SAMD5: variants seen among roughly 807,000 people sequenced by gnomAD.
The protein encoded by SAMD5 is sterile alpha motif domain containing 5.
Under a neutral mutation model 11.3 loss-of-function variants are expected in SAMD5, and 13 were observed. The ratio of observed to expected loss-of-function variants is 1.15; its 90% CI spans 0.75 to 1.83. The LOEUF is 1.83. Ranked by LOEUF, SAMD5 falls within the 40% of genes most tolerant of loss-of-function variation. SAMD5 has a pLI of 0.00. For missense variants in SAMD5, 255 were observed against 239.1 expected, an observed-to-expected ratio of 1.07 and a Z score of -0.44; for synonymous variants, 129 against 111.3, an observed-to-expected ratio of 1.16 and a Z score of -1.00.
chr6:147,729,682 T>C (rs1583156644), intron 1 of SAMD5: 1 of 427,932 alleles, frequency 2.3e-6, no homozygotes, highest in East Asian at 7.2e-5. Flanking sequence ...AGAAGGCGAA[T>C]GTGAGTAAAG....
chr6:147,639,073 G>T (rs1790273085), intron 1 of SAMD5, among the ~76,000 whole-genome samples: 1 of 152,158 alleles, frequency 6.6e-6, no homozygotes, highest in African/African-American at 2.4e-5. Flanking sequence ...AGATAGACAA[G>T]GCGGAGTTAG....
intron 1 of SAMD5, among the ~76,000 whole-genome samples, chr6:147,532,230 T>G (rs2128441211): frequency 6.6e-6 from 1 of 152,296 alleles, no homozygotes; most frequent in South Asian, 2.1e-4. Context: ...GGTGCACCTG[T>G]CACCTGAGCA....
At chr6:147,589,389 C>T (rs936767404) in intron 1 of SAMD5, among the ~76,000 whole-genome samples, 1 of 152,224 alleles carries the variant, frequency 6.6e-6, no homozygotes, top group Non-Finnish European at 1.5e-5. Flanking sequence ...ACCTCTGATT[C>T]TCACAGACCA....
At chr6:147,678,488 C>T (rs574014000) in intron 1 of SAMD5, among the ~76,000 whole-genome samples, 5 of 152,280 alleles carry the variant, frequency 3.3e-5, no homozygotes, top group African/African-American at 1.2e-4. Flanking sequence ...CCAGATCACT[C>T]GCTGTAACAT....
intron 1 of SAMD5, among the ~76,000 whole-genome samples, chr6:147,707,882 T>C (rs1031885364): frequency 2.0e-5 from 3 of 152,028 alleles, no homozygotes; most frequent in Non-Finnish European, 2.9e-5. Flanking sequence ...GGTTGAGATA[T>C]GATATGGGGT....
intron 1 of SAMD5, among the ~76,000 whole-genome samples, chr6:147,591,609 G>A (rs1306478521): frequency 6.6e-6 from 1 of 152,074 alleles, no homozygotes; most frequent in Non-Finnish European, 1.5e-5. Context: ...GCACTATAAG[G>A]ATGGGCATTC....
intron 1 of SAMD5, among the ~76,000 whole-genome samples, chr6:147,697,131 C>T (rs1286100568): frequency 6.6e-6 from 1 of 152,092 alleles, no homozygotes; most frequent in Non-Finnish European, 1.5e-5. Flanking sequence ...ACCGAAACAC[C>T]AGGGTTTCCA....
In SAMD5 at chr6:147,630,671, C is replaced by T. The variant is rs867990767; in HGVS notation, c.163-106646C>T. 2.6e-5 allele frequency among the ~76,000 whole-genome samples: 4 copies of T among 152,064 alleles called. No homozygotes were observed. In the East Asian group the frequency reaches 5.8e-4, roughly 22 times the overall value. Reference sequence around the variant, plus strand: ...GCTGACCCTCTTTTCTGACTCAGCCCGCCTGCACCCAGGTGATTAAAAAGC... The same window carrying T: ...GCTGACCCTCTTTTCTGACTCAGCCTGCCTGCACCCAGGTGATTAAAAAGC... On this transcript the variant is annotated intron_variant, in intron 1 of 1. Coordinates refer to the SAMD5 transcript ENST00000566741.
intron 1 of SAMD5, among the ~76,000 whole-genome samples, chr6:147,579,389 A>C (rs755038353): frequency 2.0e-5 from 3 of 151,486 alleles, no homozygotes; most frequent in Non-Finnish European, 4.4e-5. Flanking sequence ...GTGGCTTTGC[A>C]GTCTAGGCTG....
chr6:147,737,269 C>T lies in SAMD5; in HGVS notation c.163-48C>T, dbSNP rs1215224807. ...TCACCGTGCTTTTTCACTATGATTT[C>T]ACTGGGCAACACTTAATTAAACTTC... On this transcript the variant is annotated intron_variant, in intron 1 of 1. Coordinates refer to the SAMD5 transcript ENST00000566741. The T allele has an allele frequency of 4.4e-6, 5 of 1,128,648 alleles. No homozygotes were observed. In the South Asian group the frequency reaches 6.6e-5, roughly 15 times the overall value. 69.9% of individuals were successfully genotyped at this position (1,128,648 alleles called of 1,614,324 possible). A position where few individuals can be genotyped will look rare whatever the true frequency, so the allele number is the denominator to read the frequency against.
chr6:147,938,042 CT>C, the SAMD5 span, among the ~76,000 whole-genome samples: 1 of 152,124 alleles, frequency 6.6e-6, no homozygotes, highest in Admixed American at 6.5e-5. Flanking sequence ...AGTAAAACTT[CT>C]TTGTAATTCA....
At chr6:147,680,668 G>T (rs1037706340) in intron 1 of SAMD5, among the ~76,000 whole-genome samples, 1 of 151,990 alleles carries the variant, frequency 6.6e-6, no homozygotes, top group Non-Finnish European at 1.5e-5. Context: ...CCTTCATCAG[G>T]TTGAGAAGGT....
At chr6:147,651,821 G>C (rs1226363504) in intron 1 of SAMD5, among the ~76,000 whole-genome samples, 1 of 152,200 alleles carries the variant, frequency 6.6e-6, no homozygotes, top group Non-Finnish European at 1.5e-5. Flanking sequence ...GGAGCTGTGA[G>C]TCACATTAGA....
chr6:147,585,133 C>A (rs1789355850), intron 1 of SAMD5, among the ~76,000 whole-genome samples: 1 of 152,098 alleles, frequency 6.6e-6, no homozygotes, highest in Admixed American at 6.5e-5. Flanking sequence ...TGTGTCGGGG[C>A]AGGCAAAAGA....
chr6:147,541,834 C>A (rs1788609677), intron 1 of SAMD5, among the ~76,000 whole-genome samples: 1 of 152,184 alleles, frequency 6.6e-6, no homozygotes, highest in Non-Finnish European at 1.5e-5. Context: ...TCTCCCAAAC[C>A]AGGACTCTTC....
chr6:147,662,773 C>T (rs547321222), intron 1 of SAMD5, among the ~76,000 whole-genome samples: 3 of 152,232 alleles, frequency 2.0e-5, no homozygotes, highest in South Asian at 2.1e-4. Flanking sequence ...TCTGCATGCA[C>T]GTAATCATTT....
chr6:147,945,648 T>G, the SAMD5 span, among the ~76,000 whole-genome samples: 1 of 152,062 alleles, frequency 6.6e-6, no homozygotes, highest in East Asian at 1.9e-4. Context: ...ATGAGGTGGA[T>G]GTTGTGGATG....
intron 1 of SAMD5, among the ~76,000 whole-genome samples, chr6:147,579,224 G>GT (rs1442350632): frequency 1.3e-5 from 2 of 152,220 alleles, no homozygotes; most frequent in Non-Finnish European, 2.9e-5. Flanking sequence ...AGTGGCACCA[G>GT]TGTCAAATAA....
the SAMD5 span, among the ~76,000 whole-genome samples, chr6:147,899,005 C>T: frequency 6.6e-6 from 1 of 151,120 alleles, no homozygotes; most frequent in African/African-American, 2.4e-5. Flanking sequence ...ATGGTGAAAC[C>T]CCGTCTCTAC....
Sources: gnomAD v4.1 joint callset for allele counts (sites outside exome capture counted in the v4.1 genomes callset) on GRCh38, gnomAD v4.1.1 for gene constraint, MANE v1.5 for transcripts, NCBI Gene and HGNC (gene_info 2026-07-23, HGNC 2026-07-21) for gene names.